ABCD3: variants seen among roughly 807,000 people sequenced by gnomAD.
ABCD3 encodes ATP binding cassette subfamily D member 3.
ABCD3 carries 41 observed loss-of-function variants against 105.5 expected under a neutral mutation model. That is an observed-to-expected ratio of 0.39 (90% CI 0.30 to 0.50). The LOEUF is 0.50. ABCD3 is among the 20% of genes least tolerant of loss of function. ABCD3 has a pLI of 0.84. For synonymous variants in ABCD3, 258 were observed against 269.0 expected, an observed-to-expected ratio of 0.96 and a Z score of 0.40; for missense variants, 622 against 806.3, an observed-to-expected ratio of 0.77 and a Z score of 2.77.
chr1:94,488,090 C>A, intron 13 of ABCD3, 107 bp downstream of exon 13: 1 of 938,274 alleles, frequency 1.1e-6, no homozygotes. Flanking sequence ...ATTTCCTAGC[C>A]CAGGAAGGTG....
intron 20 of ABCD3, among the ~76,000 whole-genome samples, chr1:94,501,431 G>T (rs77132865): frequency 7.2e-5 from 11 of 152,070 alleles, no homozygotes. Context: ...TTCAGAGGGT[G>T]GAAAGGAGAA....
chr1:94,496,181 A>G (rs1649789226), intron 16 of ABCD3, among the ~76,000 whole-genome samples: 1 of 152,158 alleles, frequency 6.6e-6, no homozygotes, highest in African/African-American at 2.4e-5. Flanking sequence ...CACCACCACT[A>G]TCCATTTCCA....
Position 94,499,563 on chromosome 1 carries a change from T to C in ABCD3, c.1689T>C (p.Ser563=). Residue 563 remains serine (S), a synonymous_variant, in exon 20 of 23, where the codon AGT becomes AGC. Coordinates refer to ENST00000370214, the MANE Select transcript of ABCD3 (RefSeq NM_002858.4). ...HILEREGGWD[S]VQDWMDVLSG... Reference sequence around the variant, plus strand: ...TTGAACGTGAAGGAGGCTGGGACAGTGTTCAGGATTGGATGGACGTACTCA... The same window carrying C: ...TTGAACGTGAAGGAGGCTGGGACAGCGTTCAGGATTGGATGGACGTACTCA... 1 of 1,613,752 alleles carries C rather than the reference T, an allele frequency of 6.2e-7. No individual in the cohort carries two copies.
chr1:94,513,995 G>A (rs1352195194), intron 21 of ABCD3: 1 of 152,006 alleles, frequency 6.6e-6, no homozygotes, highest in East Asian at 1.9e-4. Context: ...AATCAGAGGT[G>A]TAGATACAAA....
chr1:94,452,832 G>A (rs547369957), intron 1 of ABCD3, among the ~76,000 whole-genome samples: 44 of 152,172 alleles, frequency 2.9e-4, no homozygotes, highest in Admixed American at 1.4e-3. Context: ...CGCCTCCCAG[G>A]TTCAAGTGAT....
At chr1:94,422,729 C>G (rs1292261728) in intron 1 of ABCD3, among the ~76,000 whole-genome samples, 4 of 152,134 alleles carry the variant, frequency 2.6e-5, no homozygotes, top group Non-Finnish European at 4.4e-5. Flanking sequence ...TTGGAGATGC[C>G]TAGTACAAAC....
chr1:94,428,372 A>G (rs12750904), intron 1 of ABCD3, among the ~76,000 whole-genome samples: 38,848 of 152,134 alleles, frequency 0.26, 5,634 homozygotes, highest in Admixed American at 0.34. Flanking sequence ...TAATACATTT[A>G]TTGGCATTAA....
At chr1:94,473,570 T>G (rs1214028072) in intron 4 of ABCD3, among the ~76,000 whole-genome samples, 196 bp from the exon 5 acceptor site, 1 of 152,118 alleles carries the variant, frequency 6.6e-6, no homozygotes, top group African/African-American at 2.4e-5. Flanking sequence ...CAGGATGAGG[T>G]TCCAGCAAGT....
At chr1:94,441,094 G>T (rs189753403) in intron 1 of ABCD3, among the ~76,000 whole-genome samples, 17 of 151,560 alleles carry the variant, frequency 1.1e-4, no homozygotes, top group Admixed American at 3.3e-4. Flanking sequence ...AAATCCAGAT[G>T]CAACAAAAGA....
At chr1:94,400,662 G>C in the ABCD3 span, among the ~76,000 whole-genome samples, 3 of 152,166 alleles carry the variant, frequency 2.0e-5, no homozygotes, top group Non-Finnish European at 2.9e-5. Context: ...CCAGCTGAAG[G>C]ATTCACCAGC....
At chr1:94,396,571 T>A in the ABCD3 span, among the ~76,000 whole-genome samples, 44 of 151,588 alleles carry the variant, frequency 2.9e-4, no homozygotes, top group Admixed American at 1.7e-3. Context: ...TTCCACAAAC[T>A]GTTCCTCATG....
intron 20 of ABCD3, among the ~76,000 whole-genome samples, chr1:94,503,118 AATTC>A (rs1169245396): frequency 6.6e-6 from 1 of 152,154 alleles, no homozygotes. Flanking sequence ...GGCCCAAGAC[AATTC>A]TTATTCTTCC....
chr1:94,441,701 G>T (rs1660139852), intron 1 of ABCD3, among the ~76,000 whole-genome samples: 1 of 152,134 alleles, frequency 6.6e-6, no homozygotes, highest in East Asian at 1.9e-4. Flanking sequence ...GATAGAAAGT[G>T]ATTTCTAGGA....
At position 94,472,062 on chromosome 1, in the gene ABCD3, G is replaced by A. The variant is rs141260585; in HGVS notation, c.336-1704G>A. 7.1e-5 allele frequency: 15 copies of A among 211,608 alleles called. No homozygotes were observed. The East Asian group carries it at 1.7e-3, about 23-fold the overall frequency. 13.1% of individuals were successfully genotyped at this position (211,608 alleles called of 1,614,324 possible). On this transcript the variant is annotated intron_variant, in intron 4 of 22. Transcript: ENST00000370214. ...TTTATTTTCACCCATTTGGCTACAAGCAGAATTTAAAAATTACCAAACTCT... is the reference window on the plus strand; with the variant it reads ...TTTATTTTCACCCATTTGGCTACAAACAGAATTTAAAAATTACCAAACTCT...
intron 1 of ABCD3, among the ~76,000 whole-genome samples, chr1:94,443,537 A>G (rs1167275544): frequency 1.3e-5 from 2 of 152,200 alleles, no homozygotes; most frequent in Non-Finnish European, 2.9e-5. Flanking sequence ...GCCTAGGCCA[A>G]TGGCTAGAAG....
intron 1 of ABCD3, among the ~76,000 whole-genome samples, chr1:94,453,577 C>T (rs924749600): frequency 1.3e-5 from 2 of 152,074 alleles, no homozygotes; most frequent in Admixed American, 6.6e-5. Flanking sequence ...CTCGGCCTCC[C>T]AAAGTGCTGG....
At chr1:94,394,616 C>G in the ABCD3 span, among the ~76,000 whole-genome samples, 4 of 152,112 alleles carry the variant, frequency 2.6e-5, no homozygotes, top group African/African-American at 9.7e-5. Context: ...CCTCAGAGAG[C>G]GGAGAGGAAA....
intron 1 of ABCD3, among the ~76,000 whole-genome samples, chr1:94,424,281 A>G (rs945540940): frequency 2.4e-4 from 36 of 152,110 alleles, no homozygotes; most frequent in African/African-American, 8.4e-4. Context: ...TAGGCATTCT[A>G]TTTCAAGGCT....
At chr1:94,476,887 TTCTC>T (rs150786188) in intron 7 of ABCD3, among the ~76,000 whole-genome samples, 2 of 151,208 alleles carry the variant, frequency 1.3e-5, no homozygotes, top group Non-Finnish European at 3.0e-5. Flanking sequence ...TTCTCTCTCT[TTCTC>T]TCTCTCTCTG....
Sources: allele counts gnomAD v4.1 joint callset (sites outside exome capture counted in the v4.1 genomes callset), GRCh38; gene constraint gnomAD v4.1.1; transcripts MANE v1.5; gene names NCBI Gene and HGNC (gene_info 2026-07-23, HGNC 2026-07-21).